The following CDK8 variants were observed in gnomAD, a reference collection of about 807,000 sequenced individuals.
CDK8 encodes the protein cyclin-dependent kinase 8.
In CDK8, 29 loss-of-function variants were observed where a neutral mutation model predicts 71.5. The observed-to-expected ratio is 0.41, with a 90% CI of 0.30 to 0.55. The LOEUF (loss-of-function observed/expected upper bound fraction) is 0.55, where lower values mean the gene tolerates loss of function less well. Ranked by LOEUF, CDK8 falls within the 20% of genes least tolerant of loss-of-function variation. The pLI is 0.37. For missense variants in CDK8, 288 were observed against 572.6 expected, an observed-to-expected ratio of 0.50 and a Z score of 5.07; for synonymous variants, 161 against 192.1, an observed-to-expected ratio of 0.84 and a Z score of 1.34.
intron 3 of CDK8, among the ~76,000 whole-genome samples, chr13:26,351,795 T>C (rs561013690): frequency 6.6e-5 from 10 of 152,306 alleles, no homozygotes; most frequent in African/African-American, 2.4e-4. Flanking sequence ...CTCCTTTATC[T>C]ATTTTAATTG....
At chr13:26,393,785 T>C (rs527790364) in intron 7 of CDK8, among the ~76,000 whole-genome samples, 2 of 152,324 alleles carry the variant, frequency 1.3e-5, no homozygotes, top group South Asian at 2.1e-4. Context: ...TTTGAAATGA[T>C]AAAATATGTT....
chr13:26,261,320 A>G (rs1168377430), intron 1 of CDK8, among the ~76,000 whole-genome samples: 2 of 152,246 alleles, frequency 1.3e-5, no homozygotes, highest in African/African-American at 4.8e-5. Context: ...TATAAGTCAC[A>G]TACCATAAAA....
At chr13:26,288,461 T>TA (rs894518803) in intron 1 of CDK8, among the ~76,000 whole-genome samples, 2 of 152,128 alleles carry the variant, frequency 1.3e-5, no homozygotes, top group Non-Finnish European at 2.9e-5. Context: ...TATAGCCTTG[T>TA]AATAATTCTA....
At chr13:26,367,154 TC>T (rs540803501) in intron 4 of CDK8, among the ~76,000 whole-genome samples, 17 of 152,164 alleles carry the variant, frequency 1.1e-4, no homozygotes, top group African/African-American at 3.9e-4. Flanking sequence ...TTCTCTTTTT[TC>T]CCCCCTTCTG....
rs528488881 is a variant in CDK8, at chr13:26,377,065, T to C, written c.457-5749T>C. Among the ~76,000 whole-genome samples, 52 of 152,268 alleles carry C rather than the reference T, an allele frequency of 3.4e-4. 1 individual carries two copies. Among genetic ancestry groups the C allele is most frequent in the Non-Finnish European group, 6.8e-4 (46 of 68,046 alleles). On this transcript the variant is annotated intron_variant, in intron 4 of 12. Coordinates refer to ENST00000381527, the MANE Select transcript of CDK8 (RefSeq NM_001260.3). ...CCTTGTTTTATAAAATATTTTGATT[T>C]GCATTGAAGATGACAGTCAAATAAC...
rs142956282 is a variant in CDK8, at chr13:26,306,039, T to A, written c.129-31528T>A. Among the ~76,000 whole-genome samples, 518 of 152,336 alleles carry A rather than the reference T, an allele frequency of 3.4e-3. 5 individuals carry two copies. Among genetic ancestry groups the A allele is most frequent in the African/African-American group, 0.012 (497 of 41,576 alleles). ...ATAACTTGATACTTAGGAGATAGTA[T>A]CTTCTAGCAATAAGCACATTTATTT... On this transcript the variant is annotated intron_variant, in intron 1 of 12. Coordinates refer to ENST00000381527, the MANE Select transcript of CDK8 (RefSeq NM_001260.3).
intron 4 of CDK8, among the ~76,000 whole-genome samples, chr13:26,368,338 C>T (rs941696618): frequency 2.0e-5 from 3 of 152,184 alleles, no homozygotes; most frequent in Non-Finnish European, 4.4e-5. Flanking sequence ...TCTCTAAAAA[C>T]CAAATCACAT....
intron 1 of CDK8, among the ~76,000 whole-genome samples, chr13:26,277,850 T>G (rs935477188): frequency 6.6e-6 from 1 of 152,216 alleles, no homozygotes; most frequent in East Asian, 1.9e-4. Flanking sequence ...ATTTTAAGCC[T>G]TCTGAGGTAT....
intron 1 of CDK8, among the ~76,000 whole-genome samples, chr13:26,260,434 A>G (rs527352055): frequency 4.7e-4 from 71 of 152,324 alleles, no homozygotes; most frequent in African/African-American, 1.6e-3. Flanking sequence ...TAAAACTGCC[A>G]TGGCAGAACT....
intron 4 of CDK8, among the ~76,000 whole-genome samples, chr13:26,365,592 A>G (rs1187657535): frequency 1.3e-5 from 2 of 152,044 alleles, no homozygotes; most frequent in African/African-American, 4.8e-5. Flanking sequence ...TTTTAAATGG[A>G]GTTTCTTTAA....
intron 1 of CDK8, among the ~76,000 whole-genome samples, chr13:26,303,369 C>T (rs913288812): frequency 2.0e-5 from 3 of 151,882 alleles, no homozygotes; most frequent in Non-Finnish European, 2.9e-5. Flanking sequence ...GGCACGATCT[C>T]GGTTTGTTGC....
chr13:26,372,686 C>T (rs1874746048), intron 4 of CDK8, among the ~76,000 whole-genome samples: 1 of 152,060 alleles, frequency 6.6e-6, no homozygotes, highest in African/African-American at 2.4e-5. Flanking sequence ...TATTTGAACC[C>T]CAGCTCTGCT....
intron 4 of CDK8, among the ~76,000 whole-genome samples, chr13:26,362,406 C>T (rs781155650): frequency 2.0e-5 from 3 of 152,096 alleles, no homozygotes; most frequent in African/African-American, 7.2e-5. Context: ...ATCCAGATGA[C>T]CTGAGAATGA....
chr13:26,380,925 A>G (rs1009728393), intron 4 of CDK8, among the ~76,000 whole-genome samples: 2 of 152,030 alleles, frequency 1.3e-5, no homozygotes, highest in African/African-American at 4.8e-5. Context: ...TCTAATCACA[A>G]TCTATATATC....
intron 7 of CDK8, 63 bp downstream of exon 7, chr13:26,393,573 G>T: frequency 6.5e-7 from 1 of 1,537,162 alleles, no homozygotes; most frequent in Non-Finnish European, 8.9e-7. Context: ...AGATGTCTTC[G>T]TTGGAGAGGT....
intron 5 of CDK8, among the ~76,000 whole-genome samples, chr13:26,384,956 A>T (rs1875406544): frequency 6.6e-6 from 1 of 152,184 alleles, no homozygotes; most frequent in Admixed American, 6.5e-5. Flanking sequence ...CTGCCCAGAG[A>T]AGCAAGGTCA....
At chr13:26,304,637 A>G (rs1322349109) in intron 1 of CDK8, among the ~76,000 whole-genome samples, 8 of 151,632 alleles carry the variant, frequency 5.3e-5, no homozygotes, top group African/African-American at 1.7e-4. Context: ...GTTTTATTTT[A>G]TTTTATTATT....
At chr13:26,365,414 A>T (rs1004257908) in intron 4 of CDK8, among the ~76,000 whole-genome samples, 1 of 152,136 alleles carries the variant, frequency 6.6e-6, no homozygotes, top group Non-Finnish European at 1.5e-5. Flanking sequence ...ATTTATCAAT[A>T]AAAAAGTGGC....
intron 2 of CDK8, among the ~76,000 whole-genome samples, chr13:26,340,489 A>G (rs1436503364): frequency 6.6e-6 from 1 of 152,186 alleles, no homozygotes; most frequent in African/African-American, 2.4e-5. Flanking sequence ...GGCTAATGGT[A>G]CGTAGGGGTT....
Sources: allele counts gnomAD v4.1 joint callset (sites outside exome capture counted in the v4.1 genomes callset), GRCh38; gene constraint gnomAD v4.1.1; transcripts MANE v1.5; gene names NCBI Gene and HGNC (gene_info 2026-07-23, HGNC 2026-07-21).